Variants in KCNMA1 observed in about 807,000 individuals in gnomAD.
The protein encoded by KCNMA1 is Calcium-activated potassium channel subunit alpha-1.
A neutral mutation model predicts 140.0 loss-of-function variants in KCNMA1; 29 were observed. The ratio of observed to expected loss-of-function variants is 0.21; its 90% confidence interval spans 0.15 to 0.28. The LOEUF (loss-of-function observed/expected upper bound fraction) is 0.28, where lower values mean the gene tolerates loss of function less well. Among genes scored for constraint, KCNMA1 ranks in the 10% least tolerant of loss-of-function variants. The probability of loss-of-function intolerance (pLI) is 1.00; values close to 1 mark genes in which losing one functional copy is unlikely to be tolerated. For synonymous variants in KCNMA1, 612 were observed against 611.9 expected (o/e 1.00, Z 0.00); for missense variants, 880 against 1,602.2 (o/e 0.55, Z 7.70).
At chr10:77,589,074 G>C (rs2078186320) in intron 1 of KCNMA1, among the ~76,000 whole-genome samples, 1 of 152,228 alleles carries the variant, frequency 6.6e-6, no homozygotes, top group Admixed American at 6.5e-5. Flanking sequence ...GCATATCTGT[G>C]TTCCAATAAA....
At chr10:77,198,775 T>C (rs1265730758) in intron 3 of KCNMA1, among the ~76,000 whole-genome samples, 1 of 152,080 alleles carries the variant, frequency 6.6e-6, no homozygotes, top group African/African-American at 2.4e-5. Flanking sequence ...TGATCTCTGG[T>C]ACATTGAACA....
At chr10:77,464,969 G>A (rs905380519) in intron 1 of KCNMA1, among the ~76,000 whole-genome samples, 1 of 152,140 alleles carries the variant, frequency 6.6e-6, no homozygotes, top group Non-Finnish European at 1.5e-5. Flanking sequence ...TGCACAGGAC[G>A]ACGGCCGTGT....
At chr10:77,294,909 A>C (rs2074446495) in intron 2 of KCNMA1, among the ~76,000 whole-genome samples, 1 of 151,862 alleles carries the variant, frequency 6.6e-6, no homozygotes, top group Non-Finnish European at 1.5e-5. Flanking sequence ...ACAGAGCAAG[A>C]CTCTGTCTCA....
At chr10:76,902,493 T>A (rs1220655671) in intron 25 of KCNMA1, 1 of 152,268 alleles carries the variant, frequency 6.6e-6, no homozygotes, top group East Asian at 1.9e-4. Flanking sequence ...ATATCTATCC[T>A]TGCGTCACAT....
At chr10:77,483,932 A>T (rs2098432899) in intron 1 of KCNMA1, among the ~76,000 whole-genome samples, 1 of 152,168 alleles carries the variant, frequency 6.6e-6, no homozygotes, top group Admixed American at 6.5e-5. Context: ...CATGACTTGC[A>T]GGTGACATTT....
chr10:77,591,026 T>C (rs551860984), intron 1 of KCNMA1, among the ~76,000 whole-genome samples: 1 of 152,172 alleles, frequency 6.6e-6, no homozygotes, highest in African/African-American at 2.4e-5. Context: ...CAACACCTCA[T>C]ATGGTGCCAG....
intron 1 of KCNMA1, among the ~76,000 whole-genome samples, chr10:77,522,073 G>A (rs1407361600): frequency 1.3e-5 from 2 of 152,116 alleles, no homozygotes; most frequent in African/African-American, 2.4e-5. Context: ...TGCTCAGGAG[G>A]CTGAGGCAGG....
chr10:77,232,320 T>G (rs1407668310), intron 3 of KCNMA1, among the ~76,000 whole-genome samples: 2 of 152,268 alleles, frequency 1.3e-5, no homozygotes, highest in Non-Finnish European at 2.9e-5. Context: ...TTTCAGTTTT[T>G]CAGGAATTGC....
intron 2 of KCNMA1, among the ~76,000 whole-genome samples, chr10:77,262,579 G>T (rs557751322): frequency 1.3e-5 from 2 of 152,068 alleles, no homozygotes. Flanking sequence ...GAGGCGTTTT[G>T]GTCATGGGGG....
intron 18 of KCNMA1, among the ~76,000 whole-genome samples, 151 bp from the exon 19 acceptor site, chr10:77,001,731 T>G (rs907228670): frequency 6.6e-6 from 1 of 152,156 alleles, no homozygotes; most frequent in Non-Finnish European, 1.5e-5. Flanking sequence ...TGCAGAGTGA[T>G]TGTTGGTAAC....
intron 1 of KCNMA1, among the ~76,000 whole-genome samples, chr10:77,418,471 A>AG (rs1290629709): frequency 6.6e-6 from 1 of 152,172 alleles, no homozygotes; most frequent in Admixed American, 6.5e-5. Context: ...GGAATGTCTT[A>AG]GAAACTGGTG....
intron 23 of KCNMA1, among the ~76,000 whole-genome samples, chr10:76,944,218 G>A (rs568295697): frequency 3.3e-5 from 5 of 152,322 alleles, no homozygotes; most frequent in Non-Finnish European, 5.9e-5. Context: ...GAAGGCAGAC[G>A]TGTGTCACTT....
chr10:76,979,148 C>T (rs912318781), intron 19 of KCNMA1, among the ~76,000 whole-genome samples: 16 of 152,152 alleles, frequency 1.1e-4, no homozygotes, highest in South Asian at 6.2e-4. Flanking sequence ...GCAAATCTAA[C>T]ACAAGACTTA....
chr10:77,357,496 T>C (rs1439279938), intron 2 of KCNMA1, among the ~76,000 whole-genome samples: 3 of 152,266 alleles, frequency 2.0e-5, no homozygotes, highest in East Asian at 1.9e-4. Flanking sequence ...TTGTCTTGTA[T>C]ATTCCATTCA....
intron 17 of KCNMA1, among the ~76,000 whole-genome samples, chr10:77,017,392 G>C (rs1475323213): frequency 6.6e-6 from 1 of 152,120 alleles, no homozygotes; most frequent in East Asian, 1.9e-4. Flanking sequence ...GGAGAGGGAA[G>C]GTTCAGTCCC....
chr10:77,597,238 A>AT (rs1482451882), intron 1 of KCNMA1, among the ~76,000 whole-genome samples: 6 of 152,174 alleles, frequency 3.9e-5, no homozygotes, highest in Non-Finnish European at 1.5e-5. Flanking sequence ...AATGAGATCT[A>AT]TATCTACAGG....
chr10:77,090,580 G>C, intron 9 of KCNMA1, 70 bp from the exon 10 acceptor site: 2 of 991,896 alleles, frequency 2.0e-6, no homozygotes, highest in Non-Finnish European at 3.3e-6. Flanking sequence ...CCCCTGGCAA[G>C]ACAGCAGAAG....
At chr10:77,523,773 A>G (rs1744988460) in intron 1 of KCNMA1, among the ~76,000 whole-genome samples, 1 of 152,234 alleles carries the variant, frequency 6.6e-6, no homozygotes, top group East Asian at 1.9e-4. Flanking sequence ...AAATTAGAGT[A>G]GAAAGAGAGT....
chr10:77,525,585 G>A (rs2055283466), intron 1 of KCNMA1, among the ~76,000 whole-genome samples: 1 of 152,204 alleles, frequency 6.6e-6, no homozygotes, highest in Non-Finnish European at 1.5e-5. Flanking sequence ...TGGTGCCTGG[G>A]GCCCAGGGTG....
Sources: gnomAD v4.1 joint callset for allele counts (sites outside exome capture counted in the v4.1 genomes callset) on GRCh38, gnomAD v4.1.1 for gene constraint, MANE v1.5 for transcripts, NCBI Gene and HGNC (gene_info 2026-07-23, HGNC 2026-07-21) for gene names.